The following LRRC4C variants were observed in gnomAD, a reference collection of about 807,000 sequenced individuals.
LRRC4C encodes the protein leucine rich repeat containing 4C.
In LRRC4C, 5 loss-of-function variants were observed where a neutral mutation model predicts 33.6. The ratio of observed to expected loss-of-function variants is 0.15; its 90% CI spans 0.08 to 0.31. The LOEUF (loss-of-function observed/expected upper bound fraction) is 0.31. LRRC4C is among the 10% of genes least tolerant of loss of function. The pLI is 1.00. For synonymous variants in LRRC4C, 329 were observed against 302.0 expected (o/e 1.09, Z -0.93); for missense variants, 560 against 796.7 (o/e 0.70, Z 3.58).
At chr11:41,337,300 C>A (rs931786172) in intron 1 of LRRC4C, among the ~76,000 whole-genome samples, 11 of 152,162 alleles carry the variant, frequency 7.2e-5, no homozygotes, top group African/African-American at 2.4e-4. Flanking sequence ...CCTGCCCTGA[C>A]CTCTCATAGT....
intron 1 of LRRC4C, among the ~76,000 whole-genome samples, chr11:41,284,946 A>T (rs373288090): frequency 1.9e-4 from 29 of 152,238 alleles, no homozygotes; most frequent in African/African-American, 6.8e-4. Flanking sequence ...TCCACGGCTA[A>T]GGCAGGGGAT....
chr11:40,453,888 C>A (rs1299851160), intron 3 of LRRC4C, among the ~76,000 whole-genome samples: 1 of 152,014 alleles, frequency 6.6e-6, no homozygotes, highest in Non-Finnish European at 1.5e-5. Context: ...GTTGCATAAC[C>A]CTATGAAATA....
rs1942946501 is a variant in LRRC4C, at chr11:40,274,440, C to CAT, written c.-175-32843_-175-32842insAT. Reference sequence around the variant, plus strand: ...ACACACACATACACACACACACACACACACACACACACACACACACACACA... The same window carrying CAT: ...ACACACACATACACACACACACACACATACACACACACACACACACACACACA... On this transcript the variant is annotated intron_variant, in intron 4 of 6. Transcript: ENST00000528697. 6.0e-5 allele frequency among the ~76,000 whole-genome samples: 9 copies of CAT among 151,050 alleles called. No homozygotes were observed. The South Asian group carries it at 1.9e-3, about 32-fold the overall frequency.
intron 3 of LRRC4C, among the ~76,000 whole-genome samples, chr11:40,445,153 G>T (rs915821294): frequency 1.3e-5 from 2 of 152,132 alleles, no homozygotes. Context: ...TCTCAGTTTT[G>T]CATGGTACTA....
intron 3 of LRRC4C, among the ~76,000 whole-genome samples, chr11:40,460,476 T>C (rs897351550): frequency 1.3e-5 from 2 of 152,150 alleles, no homozygotes; most frequent in African/African-American, 4.8e-5. Flanking sequence ...ATACAAAATA[T>C]ATCTGGATTG....
At chr11:40,413,634 C>T (rs181862347) in intron 3 of LRRC4C, among the ~76,000 whole-genome samples, 10 of 152,148 alleles carry the variant, frequency 6.6e-5, no homozygotes, top group East Asian at 3.9e-4. Context: ...TTAGCAGTTA[C>T]GTAAAATCTA....
intron 3 of LRRC4C, among the ~76,000 whole-genome samples, chr11:40,478,645 A>G (rs1260372066): frequency 2.0e-5 from 3 of 152,322 alleles, no homozygotes; most frequent in African/African-American, 7.2e-5. Flanking sequence ...TGTACCCATT[A>G]ACTCGTCATT....
rs1310216991 is a variant in LRRC4C, at chr11:41,357,335, G to A, written c.-496+102096C>T. ...TTACTGTTATATTTTAGGTAGTAGT[G>A]GTAAAGACGAAAATCTAATTTCATG... is the stretch of plus-strand genomic sequence containing the variant. On this transcript the variant is annotated intron_variant, in intron 1 of 6. Transcript: ENST00000528697. Among the ~76,000 whole-genome samples the A allele has an allele frequency of 3.9e-5, 6 of 152,182 alleles. No individual in the cohort carries two copies. In the East Asian group the frequency reaches 1.2e-3, roughly 29 times the overall value.
chr11:40,802,393 T>TCC (rs2135294403), intron 2 of LRRC4C, among the ~76,000 whole-genome samples: 1 of 152,212 alleles, frequency 6.6e-6, no homozygotes, highest in South Asian at 2.1e-4. Flanking sequence ...TTTAATATTT[T>TCC]CCTGGACTGA....
chr11:40,723,871 CAT>C (rs1291853113), intron 2 of LRRC4C, among the ~76,000 whole-genome samples: 1 of 152,118 alleles, frequency 6.6e-6, no homozygotes, highest in African/African-American at 2.4e-5. Flanking sequence ...ACCCATCTCT[CAT>C]GTAATGACAC....
intron 5 of LRRC4C, among the ~76,000 whole-genome samples, chr11:40,215,040 T>G (rs945977414): frequency 6.6e-6 from 1 of 152,150 alleles, no homozygotes; most frequent in Non-Finnish European, 1.5e-5. Context: ...TAATCAATGA[T>G]GCAAATCTGC....
intron 3 of LRRC4C, among the ~76,000 whole-genome samples, chr11:40,594,201 T>A (rs1028866506): frequency 7.2e-5 from 11 of 152,230 alleles, no homozygotes; most frequent in Non-Finnish European, 1.0e-4. Flanking sequence ...AGCTCTTTAA[T>A]TGCTGGGAAA....
At chr11:40,847,467 T>C (rs1470677026) in intron 2 of LRRC4C, among the ~76,000 whole-genome samples, 2 of 152,228 alleles carry the variant, frequency 1.3e-5, no homozygotes, top group African/African-American at 4.8e-5. Context: ...CTGCGTATGT[T>C]GAACCAGACT....
chr11:40,130,900 C>G (rs1038766710), intron 6 of LRRC4C, among the ~76,000 whole-genome samples: 5 of 152,088 alleles, frequency 3.3e-5, no homozygotes, highest in Non-Finnish European at 7.4e-5. Context: ...CAAAATTGTA[C>G]CCAGTCAGAG....
intron 3 of LRRC4C, among the ~76,000 whole-genome samples, chr11:40,601,142 T>C (rs1046672037): frequency 1.3e-5 from 2 of 152,234 alleles, no homozygotes; most frequent in African/African-American, 4.8e-5. Context: ...TTACTTAAAG[T>C]ACTTGCTTTA....
At chr11:40,541,434 A>T (rs1341412720) in intron 3 of LRRC4C, among the ~76,000 whole-genome samples, 1 of 152,104 alleles carries the variant, frequency 6.6e-6, no homozygotes, top group Non-Finnish European at 1.5e-5. Flanking sequence ...CTTTTCATAA[A>T]AGATGGTAAA....
chr11:41,369,864 A>G (rs959638878), intron 1 of LRRC4C, among the ~76,000 whole-genome samples: 1 of 152,342 alleles, frequency 6.6e-6, no homozygotes, highest in South Asian at 2.1e-4. Flanking sequence ...ATGGATTTGC[A>G]TGATGACAAG....
chr11:40,825,947 G>T (rs537517395), intron 2 of LRRC4C, among the ~76,000 whole-genome samples: 9 of 53,362 alleles, frequency 1.7e-4, no homozygotes, highest in African/African-American at 2.5e-4. Flanking sequence ...TTCTGGGGGG[G>T]GGGCGTCTCA....
chr11:41,075,659 C>T (rs1167883148), intron 1 of LRRC4C, among the ~76,000 whole-genome samples: 1 of 152,146 alleles, frequency 6.6e-6, no homozygotes, highest in East Asian at 1.9e-4. Context: ...CATAATTTCA[C>T]ATCTCCTAAT....
Sources: allele counts gnomAD v4.1 joint callset (sites outside exome capture counted in the v4.1 genomes callset), GRCh38; gene constraint gnomAD v4.1.1; transcripts MANE v1.5; gene names NCBI Gene and HGNC (gene_info 2026-07-23, HGNC 2026-07-21).